ST18: variants seen among roughly 807,000 people sequenced by gnomAD.
ST18 encodes ST18 C2H2C-type zinc finger transcription factor, also known as suppression of tumorigenicity 18 protein.
Under a neutral mutation model 110.0 loss-of-function variants are expected in ST18, and 50 were observed. The observed-to-expected ratio is 0.45, with a 90% CI of 0.36 to 0.58. ST18 has a LOEUF of 0.58. Ranked by LOEUF, ST18 falls within the 20% of genes least tolerant of loss-of-function variation. The probability of loss-of-function intolerance (pLI) is 0.00; values close to 1 mark genes in which losing one functional copy is unlikely to be tolerated. For missense variants in ST18, 1,306 were observed against 1,280.1 expected (o/e 1.02, Z -0.31); for synonymous variants, 461 against 452.4 (o/e 1.02, Z -0.24).
intron 23 of ST18, among the ~76,000 whole-genome samples, chr8:52,124,703 G>A (rs1347195049): frequency 6.6e-6 from 1 of 152,084 alleles, no homozygotes; most frequent in Non-Finnish European, 1.5e-5. Flanking sequence ...AAGACTGGAA[G>A]AGGCAGGCCT....
At chr8:52,240,035 C>G (rs149089695) in intron 2 of ST18, among the ~76,000 whole-genome samples, 2 of 152,130 alleles carry the variant, frequency 1.3e-5, no homozygotes, top group Non-Finnish European at 2.9e-5. Flanking sequence ...CTCAAGAGAT[C>G]CACCCACCTC....
chr8:52,257,132 G>A (rs552894039), intron 2 of ST18, among the ~76,000 whole-genome samples: 30 of 152,086 alleles, frequency 2.0e-4, no homozygotes, highest in Non-Finnish European at 2.9e-4. Context: ...AGCATCTATC[G>A]GTACTTTATT....
At chr8:52,204,418 G>A (rs72641878) in intron 8 of ST18, among the ~76,000 whole-genome samples, 4,763 of 152,238 alleles carry the variant, frequency 0.031, 150 homozygotes, top group East Asian at 0.11. Flanking sequence ...GTTAAAAGGC[G>A]AGAGGGAGCC....
intron 2 of ST18, among the ~76,000 whole-genome samples, chr8:52,349,036 A>G (rs1322797822): frequency 6.6e-6 from 1 of 151,884 alleles, no homozygotes; most frequent in Non-Finnish European, 1.5e-5. Flanking sequence ...TCTAGTCACC[A>G]CTATGCTCCT....
chr8:52,338,033 A>T (rs1434500510), intron 2 of ST18, among the ~76,000 whole-genome samples: 1 of 152,044 alleles, frequency 6.6e-6, no homozygotes, highest in Non-Finnish European at 1.5e-5. Flanking sequence ...TATTTCAAGG[A>T]CTTCCTTTTA....
At chr8:52,374,613 T>C (rs971219574) in intron 2 of ST18, among the ~76,000 whole-genome samples, 2 of 152,118 alleles carry the variant, frequency 1.3e-5, no homozygotes, top group African/African-American at 4.8e-5. Context: ...AGTGGTTTGC[T>C]GCACAGATCA....
intron 2 of ST18, among the ~76,000 whole-genome samples, chr8:52,259,093 T>C (rs2094605576): frequency 1.3e-5 from 2 of 152,164 alleles, no homozygotes; most frequent in African/African-American, 4.8e-5. Context: ...ATTCATTCTC[T>C]CTAGATTGGG....
At position 52,163,976 on chromosome 8, in the gene ST18, G is replaced by T. The variant is rs2062141337; in HGVS notation, c.1400+10C>A. On this transcript the variant is annotated intron_variant, in intron 13 of 25. Coordinates refer to ENST00000689386, the MANE Select transcript of ST18 (RefSeq NM_001352837.2). ...AAGAGAGCACTGAGAACATCGTTAG[G>T]GGTTCATACCTGTGGGCCTGGTCAG... is the stretch of plus-strand genomic sequence containing the variant. 6.2e-7 allele frequency: 1 copy of T among 1,605,666 alleles called. No individual in the cohort carries two copies. The highest frequency in any genetic ancestry group is 2.2e-5 in the East Asian group (1 of 44,774).
At chr8:52,309,832 C>A (rs2095874774) in intron 2 of ST18, among the ~76,000 whole-genome samples, 1 of 152,094 alleles carries the variant, frequency 6.6e-6, no homozygotes, top group Non-Finnish European at 1.5e-5. Flanking sequence ...ACTCCAGAGT[C>A]AGCAGCTCAA....
At chr8:52,279,271 A>G (rs997458979) in intron 2 of ST18, among the ~76,000 whole-genome samples, 7 of 152,166 alleles carry the variant, frequency 4.6e-5, no homozygotes, top group Non-Finnish European at 8.8e-5. Flanking sequence ...AAAAAATATA[A>G]CAAATAAAAT....
intron 2 of ST18, among the ~76,000 whole-genome samples, chr8:52,275,175 A>AT (rs1037942092): frequency 1.7e-4 from 26 of 151,206 alleles, no homozygotes; most frequent in African/African-American, 4.8e-4. Flanking sequence ...GAGCTTCCAT[A>AT]TTTTTTTTTA....
At chr8:52,376,175 C>G (rs1045061212) in intron 2 of ST18, among the ~76,000 whole-genome samples, 4 of 152,164 alleles carry the variant, frequency 2.6e-5, no homozygotes, top group Non-Finnish European at 5.9e-5. Flanking sequence ...TGCTCAAAAC[C>G]TGCAGTGTTT....
chr8:52,178,645 C>CAAAAAAAAAAAAAAAAAAAA (rs1563897561), intron 9 of ST18, among the ~76,000 whole-genome samples: 8 of 30,094 alleles, frequency 2.7e-4, no homozygotes, highest in Admixed American at 3.8e-4. Flanking sequence ...AAAAAAAAAC[C>CAAAAAAAAAAAAAAAAAAAA]ACCAAAAACC....
intron 2 of ST18, among the ~76,000 whole-genome samples, chr8:52,356,418 T>C (rs1822775869): frequency 6.6e-6 from 1 of 152,158 alleles, no homozygotes; most frequent in Non-Finnish European, 1.5e-5. Flanking sequence ...AGTCAGACTT[T>C]ATAAAAATAG....
chr8:52,347,163 G>A (rs1818160086), intron 2 of ST18, among the ~76,000 whole-genome samples: 1 of 152,144 alleles, frequency 6.6e-6, no homozygotes, highest in African/African-American at 2.4e-5. Context: ...AGGTTATGGT[G>A]ACATAAATAG....
At chr8:52,203,067 C>T (rs753098770) in intron 8 of ST18, among the ~76,000 whole-genome samples, 6 of 152,052 alleles carry the variant, frequency 3.9e-5, no homozygotes, top group African/African-American at 9.7e-5. Context: ...ACATCATGTA[C>T]GAGGCCTACA....
chr8:52,358,514 C>T (rs978219621), intron 2 of ST18, among the ~76,000 whole-genome samples: 11 of 151,866 alleles, frequency 7.2e-5, no homozygotes, highest in Admixed American at 2.0e-4. Context: ...AAAAGTGGAA[C>T]TATTGCTACT....
chr8:52,326,107 GCC>G (rs1564501307), intron 2 of ST18, among the ~76,000 whole-genome samples: 14 of 152,302 alleles, frequency 9.2e-5, no homozygotes, highest in Admixed American at 9.2e-4. Flanking sequence ...AATTTGAAAA[GCC>G]TTGTGCCTCC....
chr8:52,358,457 T>C (rs1044058193), intron 2 of ST18, among the ~76,000 whole-genome samples: 3 of 151,786 alleles, frequency 2.0e-5, no homozygotes, highest in African/African-American at 7.2e-5. Context: ...TTAGCTAGAT[T>C]GACAAATAAG....
Sources: allele counts gnomAD v4.1 joint callset (sites outside exome capture counted in the v4.1 genomes callset), GRCh38; gene constraint gnomAD v4.1.1; transcripts MANE v1.5; gene names NCBI Gene and HGNC (gene_info 2026-07-23, HGNC 2026-07-21).